The following EPB41L2 variants were observed in gnomAD, a reference collection of about 807,000 sequenced individuals.
EPB41L2 encodes the protein band 4.1-like protein 2.
In EPB41L2, 43 loss-of-function variants were observed where a neutral mutation model predicts 113.0. That is an observed-to-expected ratio of 0.38 (90% confidence interval 0.30 to 0.49). The LOEUF is 0.49. EPB41L2 is among the 20% of genes least tolerant of loss of function. EPB41L2 has a pLI of 0.95. For synonymous variants in EPB41L2, 442 were observed against 436.7 expected (o/e 1.01, Z -0.15); for missense variants, 1,147 against 1,223.4 (o/e 0.94, Z 0.93).
intron 14 of EPB41L2, among the ~76,000 whole-genome samples, chr6:130,870,853 TTA>T (rs1469127209): frequency 6.6e-6 from 1 of 151,856 alleles, no homozygotes; most frequent in South Asian, 2.1e-4. Context: ...ATTGGCAAAA[TTA>T]TAGTTAGCCT....
At position 131,004,573 on chromosome 6, in the gene EPB41L2, C is replaced by T. The variant is rs1785033341; in HGVS notation, c.-14-48074G>A. ...TAAGGAAAGCATGCAGTAAGGAGTT[C>T]CGACTAGCACACATGTGCTCTCCAG... On this transcript the variant is annotated intron_variant, in intron 1 of 19. Transcript: ENST00000337057. 1.3e-5 allele frequency among the ~76,000 whole-genome samples: 2 copies of T among 152,146 alleles called. 1 individual carries two copies. Among genetic ancestry groups the T allele is most frequent in the South Asian group, 4.1e-4 (2 of 4,826 alleles).
In EPB41L2 at chr6:130,956,410, T is replaced by C; in HGVS notation, c.76A>G (p.Lys26Glu). The change falls in exon 2 of 20, where the codon AAA (lysine) becomes GAA (glutamate). Residue 26 changes from lysine to glutamate, a missense_variant. Coordinates refer to ENST00000337057, the MANE Select transcript of EPB41L2 (RefSeq NM_001431.4). ...SQLGTDATKE[K>E]PKEVAENQQN... ...TGATTTTCTGCTACTTCTTTAGGTT[T>C]TTCCTTGGTTGCATCTGTTCCTAAC... 1 of 1,614,188 alleles carries C rather than the reference T, an allele frequency of 6.2e-7. No homozygotes were observed. Among genetic ancestry groups the C allele is most frequent in the East Asian group, 2.2e-5 (1 of 44,886 alleles).
intron 1 of EPB41L2, among the ~76,000 whole-genome samples, chr6:131,016,587 C>A (rs2128732227): frequency 6.6e-6 from 1 of 151,274 alleles, no homozygotes; most frequent in South Asian, 2.1e-4. Flanking sequence ...CCTTAACAAA[C>A]CAACATAATA....
chr6:130,839,745 T>C lies in EPB41L2; in HGVS notation c.*859A>G, dbSNP rs1774966152. Reference sequence around the variant, plus strand: ...TGGAAAGAATTGAAATGTGGGTATGTTAAGAAAGAAAGCACTAAGGTTTTA... The same window carrying C: ...TGGAAAGAATTGAAATGTGGGTATGCTAAGAAAGAAAGCACTAAGGTTTTA... On this transcript the variant is annotated 3_prime_UTR_variant, in exon 20 of 20. Transcript: ENST00000337057. The C allele has an allele frequency of 6.6e-6, 1 of 152,246 alleles. No individual in the cohort carries two copies. The highest frequency in any genetic ancestry group is 6.5e-5 in the Admixed American group (1 of 15,280). The allele number at this position is 152,246 out of a possible 1,614,324, so 9.4% of individuals were successfully genotyped here.
At chr6:130,937,488 T>G (rs1809203234) in intron 3 of EPB41L2, among the ~76,000 whole-genome samples, 1 of 152,012 alleles carries the variant, frequency 6.6e-6, no homozygotes, top group Admixed American at 6.6e-5. Context: ...GCCAGGATAA[T>G]AAATCAAATG....
chr6:130,903,326 T>C (rs1796807298), intron 6 of EPB41L2, among the ~76,000 whole-genome samples: 1 of 152,028 alleles, frequency 6.6e-6, no homozygotes, highest in Admixed American at 6.6e-5. Flanking sequence ...AAAGCTACTA[T>C]TTATTATTTA....
intron 1 of EPB41L2, among the ~76,000 whole-genome samples, chr6:131,013,323 G>A (rs1787480894): frequency 6.6e-6 from 1 of 151,842 alleles, no homozygotes; most frequent in Non-Finnish European, 1.5e-5. Flanking sequence ...CTAAAGGCAG[G>A]AGAAAAACAT....
intron 19 of EPB41L2, among the ~76,000 whole-genome samples, chr6:130,850,339 A>C (rs180695639): frequency 6.6e-6 from 1 of 152,318 alleles, no homozygotes; most frequent in Admixed American, 6.5e-5. Flanking sequence ...AAAATGTACA[A>C]ACAAGTATAA....
intron 16 of EPB41L2, 57 bp from the exon 17 acceptor site, chr6:130,865,691 G>T: frequency 6.4e-7 from 1 of 1,555,076 alleles, no homozygotes; most frequent in South Asian, 1.1e-5. Context: ...TATGTTGTCA[G>T]AGAAGATCCC....
chr6:131,039,643 A>C (rs1358713717), intron 1 of EPB41L2, among the ~76,000 whole-genome samples: 1 of 152,172 alleles, frequency 6.6e-6, no homozygotes, highest in African/African-American at 2.4e-5. Flanking sequence ...CAAAAGAAAT[A>C]TTATTGCCTT....
chr6:130,878,784 G>C (rs981319984), intron 13 of EPB41L2, among the ~76,000 whole-genome samples: 5 of 152,152 alleles, frequency 3.3e-5, no homozygotes, highest in African/African-American at 1.2e-4. Flanking sequence ...GAAAAGCCAA[G>C]GTTTTTTGTT....
At chr6:130,966,149 C>G (rs897046160) in intron 1 of EPB41L2, among the ~76,000 whole-genome samples, 2 of 152,178 alleles carry the variant, frequency 1.3e-5, no homozygotes, top group Non-Finnish European at 2.9e-5. Flanking sequence ...GTTGGACAAG[C>G]TTGTGGTAAG....
At chr6:130,976,208 T>TA (rs1318258713) in intron 1 of EPB41L2, among the ~76,000 whole-genome samples, 1 of 152,196 alleles carries the variant, frequency 6.6e-6, no homozygotes, top group Non-Finnish European at 1.5e-5. Flanking sequence ...TTAACGTTTT[T>TA]AAAAATGGTC....
intron 1 of EPB41L2, among the ~76,000 whole-genome samples, chr6:131,001,093 A>G (rs1385420905): frequency 6.7e-6 from 1 of 148,642 alleles, no homozygotes; most frequent in African/African-American, 2.5e-5. Context: ...CAACTATACA[A>G]CTAGACACTT....
At position 131,059,114 on chromosome 6, in the gene EPB41L2, C is replaced by CTTCTTT. The variant is rs34376821; in HGVS notation, c.-15+4040_-15+4041insAAAGAA. Among the ~76,000 whole-genome samples, 410 of 131,306 alleles carry CTTCTTT rather than the reference C, an allele frequency of 3.1e-3. 24 individuals are homozygous for CTTCTTT. Among genetic ancestry groups the CTTCTTT allele is most frequent in the South Asian group, 5.7e-3 (24 of 4,234 alleles). 86.1% of individuals were successfully genotyped at this position (131,306 alleles called of 152,430 possible). A position where few individuals can be genotyped will look rare whatever the true frequency, so the allele number is the denominator to read the frequency against. On this transcript the variant is annotated intron_variant, in intron 1 of 19. Transcript: ENST00000337057. ...TCTTTCCTTCTTGGCTTACCTATAA[C>CTTCTTT]TTTTTTTTTTTTTTTTTTGAGATGG...
Position 131,000,457 on chromosome 6 carries a change from C to T in EPB41L2, c.-14-43958G>A, listed in dbSNP as rs1323337292. On this transcript the variant is annotated intron_variant, in intron 1 of 19. Transcript: ENST00000337057. ...GCTGTCTCCCAGGAAATCTGACCAA[C>T]GCAACTACCAAAAATCCAAATCTGA... Among the ~76,000 whole-genome samples, 8 of 152,298 alleles carry T rather than the reference C, an allele frequency of 5.3e-5. No individual in the cohort carries two copies. The South Asian group carries it at 6.2e-4, about 12-fold the overall frequency.
chr6:130,888,748 A>C (rs1258416012), intron 11 of EPB41L2, among the ~76,000 whole-genome samples: 1 of 152,232 alleles, frequency 6.6e-6, no homozygotes, highest in East Asian at 1.9e-4. Flanking sequence ...AAAAGTGCTC[A>C]GTTGTTGAAG....
intron 1 of EPB41L2, among the ~76,000 whole-genome samples, chr6:130,960,526 C>T (rs1038797176): frequency 6.6e-6 from 1 of 152,202 alleles, no homozygotes; most frequent in Non-Finnish European, 1.5e-5. Flanking sequence ...ACTGTATTCA[C>T]AACACCCATA....
chr6:130,891,500 G>C (rs1258679350), intron 10 of EPB41L2, among the ~76,000 whole-genome samples: 1 of 152,108 alleles, frequency 6.6e-6, no homozygotes, highest in East Asian at 1.9e-4. Flanking sequence ...CCAGGCTAGA[G>C]TGCAGTGTTG....
Sources: allele counts gnomAD v4.1 joint callset (sites outside exome capture counted in the v4.1 genomes callset), GRCh38; gene constraint gnomAD v4.1.1; transcripts MANE v1.5; gene names NCBI Gene and HGNC (gene_info 2026-07-23, HGNC 2026-07-21).